CLCA4: variants seen among roughly 807,000 people sequenced by gnomAD.
The protein encoded by CLCA4 is chloride channel accessory 4, also known as calcium-activated chloride channel regulator 4.
In CLCA4, 69 loss-of-function variants were observed where a neutral mutation model predicts 78.9. The ratio of observed to expected loss-of-function variants is 0.87; its 90% CI spans 0.72 to 1.07. CLCA4 has a LOEUF of 1.07. Among genes scored for constraint, CLCA4 ranks in the 50% least tolerant of loss-of-function variants. The pLI is 0.00. For synonymous variants in CLCA4, 362 were observed against 375.8 expected, an observed-to-expected ratio of 0.96 and a Z score of 0.42; for missense variants, 1,133 against 1,095.8, an observed-to-expected ratio of 1.03 and a Z score of -0.48.
In CLCA4 at chr1:86,572,694, A is replaced by G. The variant is rs1650389870; in HGVS notation, c.1441A>G (p.Thr481Ala). ...TTTTGGGGCTCTTACATCAGGAAAT[A>G]CTGATCTCTCCCAGAAGTCCCTTCA... ...DAFGALTSGN[T>A]DLSQKSLQLE... Residue 481 changes from threonine (T) to alanine (A), a missense_variant, in exon 9 of 14, where the codon ACT (threonine) becomes GCT (alanine). Coordinates refer to ENST00000370563, the MANE Select transcript of CLCA4 (RefSeq NM_012128.4). 6.9e-6 allele frequency: 11 copies of G among 1,598,340 alleles called. No homozygotes were observed. The highest frequency in any genetic ancestry group is 9.4e-6 in the Non-Finnish European group (11 of 1,165,982).
intron 3 of CLCA4, among the ~76,000 whole-genome samples, chr1:86,562,656 C>G (rs1650057158): frequency 6.6e-6 from 1 of 151,852 alleles, no homozygotes; most frequent in Admixed American, 6.6e-5. Flanking sequence ...AGTTCGACAC[C>G]AGCCTGGCCA....
At chr1:86,553,424 A>C (rs1163693620) in intron 1 of CLCA4, 7 of 397,178 alleles carry the variant, frequency 1.8e-5, no homozygotes, top group Non-Finnish European at 2.7e-5. Context: ...GAGGCAGCAG[A>C]GATCCTCTAT....
chr1:86,571,722 A>G (rs1462397311), intron 8 of CLCA4, among the ~76,000 whole-genome samples: 2 of 152,028 alleles, frequency 1.3e-5, no homozygotes, highest in African/African-American at 4.8e-5. Flanking sequence ...AGACCAGAGC[A>G]TAAGTTGTGG....
chr1:86,562,281 G>C (rs1274320984), intron 3 of CLCA4, among the ~76,000 whole-genome samples: 1 of 152,164 alleles, frequency 6.6e-6, no homozygotes, highest in African/African-American at 2.4e-5. Context: ...TTCTTAACAC[G>C]CACCAAATTC....
intron 9 of CLCA4, among the ~76,000 whole-genome samples, chr1:86,573,215 G>A (rs1650407525): frequency 1.3e-5 from 2 of 151,702 alleles, no homozygotes; most frequent in Non-Finnish European, 2.9e-5. Flanking sequence ...ACAAACATAG[G>A]GCTTCTGTCA....
chr1:86,553,295 G>A, intron 1 of CLCA4: 4 of 697,814 alleles, frequency 5.7e-6, no homozygotes, highest in Middle Eastern at 2.5e-4. Context: ...CTCCCTCCAC[G>A]TCTTCCTGGT....
chr1:86,554,715 T>C (rs1042976849), intron 1 of CLCA4, among the ~76,000 whole-genome samples: 1 of 152,236 alleles, frequency 6.6e-6, no homozygotes, highest in African/African-American at 2.4e-5. Context: ...GTATATCCAG[T>C]AATGGGATTG....
At chr1:86,553,670 C>T (rs1483472153) in intron 1 of CLCA4, among the ~76,000 whole-genome samples, 1 of 152,204 alleles carries the variant, frequency 6.6e-6, no homozygotes, top group Non-Finnish European at 1.5e-5. Flanking sequence ...CATGGTGACT[C>T]ACGTCTGTAA....
chr1:86,579,826 T>C (rs1650651464), intron 13 of CLCA4, 116 bp from the exon 14 acceptor site: 1 of 797,908 alleles, frequency 1.3e-6, no homozygotes, highest in Non-Finnish European at 2.0e-6. Flanking sequence ...TATTAAAAAA[T>C]GAGTAAGGCT....
chr1:86,573,866 A>G (rs919640015), intron 9 of CLCA4, among the ~76,000 whole-genome samples: 2 of 152,080 alleles, frequency 1.3e-5, no homozygotes, highest in African/African-American at 2.4e-5. Flanking sequence ...CCCGCTATAC[A>G]ATATAGCAAC....
intron 8 of CLCA4, among the ~76,000 whole-genome samples, chr1:86,572,369 T>C (rs866118372): frequency 6.6e-6 from 1 of 152,088 alleles, no homozygotes; most frequent in Non-Finnish European, 1.5e-5. Flanking sequence ...TTTCATATTC[T>C]ATAATTATCA....
intron 10 of CLCA4, 24 bp downstream of exon 10, chr1:86,574,779 C>A: frequency 2.0e-6 from 3 of 1,536,738 alleles, no homozygotes; most frequent in South Asian, 2.2e-5. Context: ...TTTTAGACTT[C>A]CTGTCAACAT....
chr1:86,578,310 C>T (rs1469943463), intron 12 of CLCA4, among the ~76,000 whole-genome samples: 2 of 151,892 alleles, frequency 1.3e-5, no homozygotes, highest in Non-Finnish European at 2.9e-5. Flanking sequence ...TTTTTTTTAA[C>T]TTTCAGTTTA....
At chr1:86,549,274 G>A (rs1649589373) in intron 1 of CLCA4, among the ~76,000 whole-genome samples, 1 of 152,142 alleles carries the variant, frequency 6.6e-6, no homozygotes, top group Non-Finnish European at 1.5e-5. Flanking sequence ...AAAACTAGGG[G>A]AGAAAAACAG....
intron 6 of CLCA4, 34 bp downstream of exon 6, chr1:86,566,054 G>A: frequency 1.9e-6 from 3 of 1,567,628 alleles, no homozygotes; most frequent in Non-Finnish European, 2.6e-6. Context: ...AGGGATGTAG[G>A]ATATTTGAAG....
At chr1:86,555,719 T>C (rs1422396656) in intron 1 of CLCA4, among the ~76,000 whole-genome samples, 1 of 152,234 alleles carries the variant, frequency 6.6e-6, no homozygotes, top group Non-Finnish European at 1.5e-5. Flanking sequence ...AATAGTTTTT[T>C]TCTAGTGGTG....
At chr1:86,557,676 G>A (rs1236898751) in intron 1 of CLCA4, among the ~76,000 whole-genome samples, 7 of 152,152 alleles carry the variant, frequency 4.6e-5, no homozygotes, top group African/African-American at 1.7e-4. Flanking sequence ...GTGATGAGAA[G>A]AATGTATATT....
At chr1:86,549,684 G>A (rs958395435) in intron 1 of CLCA4, among the ~76,000 whole-genome samples, 39 of 152,104 alleles carry the variant, frequency 2.6e-4, no homozygotes, top group African/African-American at 1.2e-4. Flanking sequence ...GGTGAGGGTA[G>A]GAAGGAAATA....
intron 1 of CLCA4, among the ~76,000 whole-genome samples, chr1:86,552,072 G>A (rs1456932596): frequency 6.6e-6 from 1 of 151,794 alleles, no homozygotes; most frequent in Non-Finnish European, 1.5e-5. Context: ...ATTTAAACCT[G>A]AAAAAAATGA....
Sources: gnomAD v4.1 joint callset for allele counts (sites outside exome capture counted in the v4.1 genomes callset) on GRCh38, gnomAD v4.1.1 for gene constraint, MANE v1.5 for transcripts, NCBI Gene and HGNC (gene_info 2026-07-23, HGNC 2026-07-21) for gene names.